Variants in PPP2R2C observed in about 807,000 individuals in gnomAD.
PPP2R2C encodes protein phosphatase 2, regulatory subunit B, gamma.
A neutral mutation model predicts 45.3 loss-of-function variants in PPP2R2C; 10 were observed. The ratio of observed to expected loss-of-function variants is 0.22; its 90% CI spans 0.14 to 0.37. PPP2R2C has a LOEUF of 0.37. Among genes scored for constraint, PPP2R2C ranks in the 10% least tolerant of loss-of-function variants. PPP2R2C has a pLI of 1.00. For synonymous variants in PPP2R2C, 257 were observed against 245.4 expected (o/e 1.05, Z -0.44); for missense variants, 308 against 619.7 (o/e 0.50, Z 5.34).
In PPP2R2C at chr4:6,320,859, C is replaced by T. The variant is rs571664811; in HGVS notation, c.*2443G>A. On this transcript the variant is annotated 3_prime_UTR_variant, in exon 9 of 9. Transcript: ENST00000382599. The stretch of plus-strand genomic sequence containing the variant: ...AACTTCACAATGACTATGTGAACGC[C>T]CGTACATTCGAGAGTACCAGGAAAT... 6 of 152,226 alleles carry T rather than the reference C, an allele frequency of 3.9e-5. No homozygotes were observed. Among genetic ancestry groups the T allele is most frequent in the African/African-American group, 1.4e-4 (6 of 41,544 alleles). 9.4% of individuals were successfully genotyped at this position (152,226 alleles called of 1,614,324 possible).
At chr4:6,381,682 C>A in intron 1 of PPP2R2C, 1 of 1,523,988 alleles carries the variant, frequency 6.6e-7, no homozygotes, top group South Asian at 1.3e-5. Context: ...AGAAGCGAAG[C>A]TCAGCCCTGC....
intron 8 of PPP2R2C, 76 bp from the exon 9 acceptor site, chr4:6,323,669 C>A: frequency 1.4e-6 from 2 of 1,389,814 alleles, no homozygotes; most frequent in Non-Finnish European, 9.5e-7. Flanking sequence ...GGTGTGGGGG[C>A]TCACGCCCAT....
chr4:6,401,453 G>C (rs1216109976), intron 1 of PPP2R2C, among the ~76,000 whole-genome samples: 1 of 152,062 alleles, frequency 6.6e-6, no homozygotes, highest in African/African-American at 2.4e-5. Context: ...CATCCGAGAT[G>C]CTAAAGTCAC....
chr4:6,453,295 C>A (rs912231468), intron 1 of PPP2R2C, among the ~76,000 whole-genome samples: 1 of 152,176 alleles, frequency 6.6e-6, no homozygotes, highest in Admixed American at 6.5e-5. Flanking sequence ...GAGTCCCTCT[C>A]CACCCTGAAG....
At chr4:6,552,781 C>A (rs538162541) in intron 1 of PPP2R2C, among the ~76,000 whole-genome samples, 1 of 152,304 alleles carries the variant, frequency 6.6e-6, no homozygotes, top group East Asian at 1.9e-4. Flanking sequence ...ATTCTTTCCA[C>A]TACACTCACA....
chr4:6,424,717 G>A (rs1232130745), intron 1 of PPP2R2C, among the ~76,000 whole-genome samples: 3 of 152,180 alleles, frequency 2.0e-5, no homozygotes, highest in Non-Finnish European at 2.9e-5. Context: ...TGTGTGCAAG[G>A]GTTCAGGGAT....
At chr4:6,548,655 C>G (rs1262545052) in intron 1 of PPP2R2C, among the ~76,000 whole-genome samples, 1 of 152,212 alleles carries the variant, frequency 6.6e-6, no homozygotes, top group East Asian at 1.9e-4. Flanking sequence ...CAACCGACAG[C>G]AAGCTCCAGG....
At chr4:6,385,974 C>T (rs376717974) in intron 1 of PPP2R2C, among the ~76,000 whole-genome samples, 2 of 152,164 alleles carry the variant, frequency 1.3e-5, no homozygotes, top group Non-Finnish European at 2.9e-5. Flanking sequence ...GAGGAAACAG[C>T]GCCGCACTAT....
At chr4:6,528,289 G>T (rs113251892) in intron 2 of PPP2R2C, among the ~76,000 whole-genome samples, 1 of 152,254 alleles carries the variant, frequency 6.6e-6, no homozygotes, top group Admixed American at 6.5e-5. Context: ...GGCTCGGGCC[G>T]GGAGGGCCCT....
At chr4:6,337,112 G>GTGTGTGTGTGTGTATATATA (rs1202845732) in intron 6 of PPP2R2C, among the ~76,000 whole-genome samples, 2 of 30,120 alleles carry the variant, frequency 6.6e-5, no homozygotes, top group African/African-American at 2.1e-4. Context: ...ATGTGTGTGT[G>GTGTGTGTGTGTGTATATATA]TATATATATA....
intron 2 of PPP2R2C, among the ~76,000 whole-genome samples, chr4:6,490,988 G>A (rs1258730151): frequency 2.0e-5 from 3 of 152,186 alleles, no homozygotes; most frequent in African/African-American, 4.8e-5. Context: ...CTGCAGAGCT[G>A]TGCCCCAGAC....
intron 2 of PPP2R2C, among the ~76,000 whole-genome samples, chr4:6,502,489 C>T (rs1471808913): frequency 3.3e-5 from 5 of 151,558 alleles, no homozygotes; most frequent in African/African-American, 1.2e-4. Context: ...CTCCCTCTGT[C>T]CCTCCCTTTT....
In PPP2R2C at chr4:6,378,483, C is replaced by T. The variant is rs1323973808; in HGVS notation, c.258G>A (p.Leu86=). 1.2e-6 allele frequency: 2 copies of T among 1,614,060 alleles called. No homozygotes were observed. Among genetic ancestry groups the T allele is most frequent in the East Asian group, 4.5e-5 (2 of 44,870 alleles). Residue 86 remains leucine, a synonymous_variant, in exon 3 of 9, where the codon CTG becomes CTA. Coordinates refer to ENST00000382599, the MANE Select transcript of PPP2R2C (RefSeq NM_020416.4). This position sits in a 1 kb window ranked among gnomAD's most constrained non-coding sequence, Gnocchi z 5.2. ...HEPEFDYLKS[L]EIEEKINKIK... is the part of the protein sequence containing the mutation. ...TCTTGTTGATCTTCTCCTCTATCTCCAGGCTCTTGAGATAGTCAAACTCCG... is the reference window on the plus strand; with the variant it reads ...TCTTGTTGATCTTCTCCTCTATCTCTAGGCTCTTGAGATAGTCAAACTCCG...
intron 5 of PPP2R2C, among the ~76,000 whole-genome samples, chr4:6,362,788 A>G (rs1283732847): frequency 6.6e-6 from 1 of 152,180 alleles, no homozygotes; most frequent in Non-Finnish European, 1.5e-5. Context: ...TACCATCATG[A>G]CTGAGAGGCG....
intron 5 of PPP2R2C, among the ~76,000 whole-genome samples, chr4:6,365,656 A>T (rs540418660): frequency 6.6e-6 from 1 of 152,310 alleles, no homozygotes; most frequent in Non-Finnish European, 1.5e-5. Flanking sequence ...TGCACAGAAG[A>T]CAAGCTGAGT....
At chr4:6,442,327 T>A (rs1357635191) in intron 1 of PPP2R2C, among the ~76,000 whole-genome samples, 1 of 152,230 alleles carries the variant, frequency 6.6e-6, no homozygotes, top group Non-Finnish European at 1.5e-5. Context: ...CTGCCCGCTC[T>A]CAGCAGGAGG....
intron 1 of PPP2R2C, among the ~76,000 whole-genome samples, chr4:6,421,851 A>G (rs904161274): frequency 6.6e-6 from 1 of 152,242 alleles, no homozygotes; most frequent in African/African-American, 2.4e-5. Flanking sequence ...CTTTGTGAAC[A>G]GGCCAGGTCT....
At chr4:6,440,700 G>T (rs377219871) in intron 1 of PPP2R2C, among the ~76,000 whole-genome samples, 3 of 152,160 alleles carry the variant, frequency 2.0e-5, no homozygotes, top group African/African-American at 7.2e-5. Context: ...TGACTGGCAC[G>T]TCTCAGAGCC....
chr4:6,537,513 G>T (rs901107661), intron 1 of PPP2R2C, among the ~76,000 whole-genome samples: 1 of 150,944 alleles, frequency 6.6e-6, no homozygotes, highest in South Asian at 2.1e-4. Context: ...ATAAAATTCT[G>T]ACACATGCTA....
Sources: allele counts gnomAD v4.1 joint callset (sites outside exome capture counted in the v4.1 genomes callset), GRCh38; gene constraint gnomAD v4.1.1; non-coding constraint Gnocchi (gnomAD v3.1); transcripts MANE v1.5; gene names NCBI Gene and HGNC (gene_info 2026-07-23, HGNC 2026-07-21).